Variants in ARFGEF3 observed in about 807,000 individuals in gnomAD.
The protein encoded by ARFGEF3 is brefeldin A-inhibited guanine nucleotide-exchange protein 3.
ARFGEF3 carries 96 observed loss-of-function variants against 221.7 expected under a neutral mutation model. The observed-to-expected ratio is 0.43, with a 90% CI of 0.37 to 0.51. ARFGEF3 has a LOEUF of 0.51. Among genes scored for constraint, ARFGEF3 ranks in the 20% least tolerant of loss-of-function variants. ARFGEF3 has a pLI of 0.00. For synonymous variants in ARFGEF3, 1,145 were observed against 1,126.8 expected, an observed-to-expected ratio of 1.02 and a Z score of -0.32; for missense variants, 2,410 against 2,789.9, an observed-to-expected ratio of 0.86 and a Z score of 3.07.
At chr6:138,322,940 G>A (rs117082343) in intron 29 of ARFGEF3, among the ~76,000 whole-genome samples, 1 of 151,894 alleles carries the variant, frequency 6.6e-6, no homozygotes, top group Non-Finnish European at 1.5e-5. Context: ...GGACCTCGTT[G>A]TAGCAGTGAC....
intron 8 of ARFGEF3, among the ~76,000 whole-genome samples, chr6:138,251,330 G>T (rs1393333350): frequency 6.6e-6 from 1 of 152,116 alleles, no homozygotes; most frequent in Non-Finnish European, 1.5e-5. Flanking sequence ...AGAAATTTTT[G>T]AATTGGAGCA....
At chr6:138,222,599 A>G (rs1778000952) in intron 4 of ARFGEF3, among the ~76,000 whole-genome samples, 1 of 152,188 alleles carries the variant, frequency 6.6e-6, no homozygotes, top group Non-Finnish European at 1.5e-5. Context: ...CATATCCTAC[A>G]ATGAGCAGGA....
At chr6:138,244,021 T>C (rs1211795675) in intron 7 of ARFGEF3, among the ~76,000 whole-genome samples, 1 of 152,130 alleles carries the variant, frequency 6.6e-6, no homozygotes, top group Admixed American at 6.5e-5. Flanking sequence ...GATGATTTTA[T>C]AAACTAAAAA....
Position 138,340,123 on chromosome 6 carries a change from G to T in ARFGEF3, c.*3637G>T, listed in dbSNP as rs573533784. The T allele has an allele frequency of 1.3e-5, 2 of 152,310 alleles. No individual in the cohort carries two copies. The highest frequency in any genetic ancestry group is 2.4e-5 in the African/African-American group (1 of 41,576). The allele number at this position is 152,310 out of a possible 1,614,324, so 9.4% of individuals were successfully genotyped here. A position where few individuals can be genotyped will look rare whatever the true frequency, so the allele number is the denominator to read the frequency against. ...CAGCTGCCTGTAATCCCAGCTACTC[G>T]GGAAGCTGAGGCAGGAGAATTGCTT... On this transcript the variant is annotated 3_prime_UTR_variant, in exon 34 of 34. Coordinates refer to ENST00000251691, the MANE Select transcript of ARFGEF3 (RefSeq NM_020340.5).
At chr6:138,260,361 GA>G (rs1778768092) in intron 10 of ARFGEF3, among the ~76,000 whole-genome samples, 1 of 152,184 alleles carries the variant, frequency 6.6e-6, no homozygotes, top group Admixed American at 6.5e-5. Flanking sequence ...CTTTGAAGAT[GA>G]ATGGACATAC....
At chr6:138,303,888 A>AAAAAAAAAT (rs35383841) in intron 22 of ARFGEF3, among the ~76,000 whole-genome samples, 4 of 147,202 alleles carry the variant, frequency 2.7e-5, no homozygotes, top group Admixed American at 6.7e-5. Flanking sequence ...AAAAAAAAAA[A>AAAAAAAAAT]GATAATAGCA....
intron 6 of ARFGEF3, among the ~76,000 whole-genome samples, 188 bp from the exon 7 acceptor site, chr6:138,242,764 C>G (rs1305440189): frequency 6.6e-6 from 1 of 152,172 alleles, no homozygotes; most frequent in Non-Finnish European, 1.5e-5. Flanking sequence ...AGATCATAAT[C>G]TGTCTCATAA....
At position 138,339,052 on chromosome 6, in the gene ARFGEF3, C is replaced by T. The variant is rs1323165944; in HGVS notation, c.*2566C>T. ...TTTTGGTACCTTCCCATTGTCTTCTCTATAACTCAGTCCTAACATACTCTG... is the reference window on the plus strand; with the variant it reads ...TTTTGGTACCTTCCCATTGTCTTCTTTATAACTCAGTCCTAACATACTCTG... On this transcript the variant is annotated 3_prime_UTR_variant, in exon 34 of 34. Coordinates refer to ENST00000251691, the MANE Select transcript of ARFGEF3 (RefSeq NM_020340.5). 1.3e-5 allele frequency: 2 copies of T among 152,192 alleles called. No homozygotes were observed. The highest frequency in any genetic ancestry group is 4.8e-5 in the African/African-American group (2 of 41,442). 9.4% of individuals were successfully genotyped at this position (152,192 alleles called of 1,614,324 possible). A position where few individuals can be genotyped will look rare whatever the true frequency, so the allele number is the denominator to read the frequency against.
chr6:138,183,760 C>T (rs1296288358), intron 2 of ARFGEF3, among the ~76,000 whole-genome samples: 1 of 152,102 alleles, frequency 6.6e-6, no homozygotes, highest in Non-Finnish European at 1.5e-5. Flanking sequence ...TTTGGGACCT[C>T]GAGCTGGTCA....
At chr6:138,224,271 T>C (rs913972576) in intron 4 of ARFGEF3, among the ~76,000 whole-genome samples, 2 of 152,236 alleles carry the variant, frequency 1.3e-5, no homozygotes, top group African/African-American at 4.8e-5. Context: ...AAATGTCTCA[T>C]GGGAGATGCT....
At chr6:138,201,407 G>A (rs996882191) in intron 2 of ARFGEF3, among the ~76,000 whole-genome samples, 2 of 152,134 alleles carry the variant, frequency 1.3e-5, no homozygotes, top group Admixed American at 6.6e-5. Flanking sequence ...TTGCAAAATC[G>A]TGGAACCAAC....
At chr6:138,278,927 A>G (rs1779148036) in intron 13 of ARFGEF3, among the ~76,000 whole-genome samples, 1 of 151,476 alleles carries the variant, frequency 6.6e-6, no homozygotes, top group African/African-American at 2.4e-5. Context: ...ATTATTAAAC[A>G]TGTGTATAAA....
In ARFGEF3 at chr6:138,275,368, C is replaced by A. The variant is rs561375411; in HGVS notation, c.2129-3083C>A. The stretch of plus-strand genomic sequence containing the variant: ...TAGTCCCACCAAAAAAATGTTTATA[C>A]TGCCCTCAAATATGGCAGAGATCTT... On this transcript the variant is annotated intron_variant, in intron 12 of 33. Coordinates refer to ENST00000251691, the MANE Select transcript of ARFGEF3 (RefSeq NM_020340.5). Among the ~76,000 whole-genome samples the A allele has an allele frequency of 2.6e-5, 4 of 152,258 alleles. No homozygotes were observed. The East Asian group carries it at 5.8e-4, about 22-fold the overall frequency.
At chr6:138,228,847 G>A (rs1778140077) in intron 4 of ARFGEF3, among the ~76,000 whole-genome samples, 1 of 152,266 alleles carries the variant, frequency 6.6e-6, no homozygotes, top group Non-Finnish European at 1.5e-5. Flanking sequence ...GGCAGGGCAT[G>A]GCTGTGGGGT....
In ARFGEF3 at chr6:138,291,988, C is replaced by G. The variant is rs746419587; in HGVS notation, c.3303C>G (p.Gly1101=). Residue 1101 remains glycine, a synonymous_variant, in exon 19 of 34, where the codon GGC becomes GGG. Transcript: ENST00000251691. The surrounding 1 kb of genome is among the most constrained non-coding windows in gnomAD (Gnocchi z 4.5). ...GGGGTCGGGCCTCCGACTTCCGCGG[C>G]GGGAGCCTCATGAGCGGGAGCAGCG... The part of the protein sequence containing the change: ...GSRGRASDFR[G]GSLMSGSSAA... 2.0e-6 allele frequency: 3 copies of G among 1,538,232 alleles called. No homozygotes were observed. In the Admixed American group the frequency reaches 5.8e-5, roughly 30 times the overall value.
chr6:138,242,003 G>A (rs116488713), intron 6 of ARFGEF3, among the ~76,000 whole-genome samples: 1,524 of 152,252 alleles, frequency 0.01, 22 homozygotes, highest in African/African-American at 0.034. Flanking sequence ...TGCTTCCTCC[G>A]GAATGTTGTT....
intron 22 of ARFGEF3, among the ~76,000 whole-genome samples, chr6:138,304,342 G>A (rs113041727): frequency 3.2e-4 from 48 of 152,270 alleles, no homozygotes; most frequent in African/African-American, 1.0e-3. Context: ...GGCTGAGGGT[G>A]GGGTGGTGGA....
rs1780343349 is a variant in ARFGEF3 at position 138,337,225 on chromosome 6, AAGT to A, written c.*740_*742del. 1 of 152,680 alleles carries A rather than the reference AAGT, an allele frequency of 6.5e-6. No homozygotes were observed. Among genetic ancestry groups the A allele is most frequent in the South Asian group, 2.1e-4 (1 of 4,830 alleles). The allele number at this position is 152,680 out of a possible 1,614,324, so 9.5% of individuals were successfully genotyped here. On this transcript the variant is annotated 3_prime_UTR_variant, in exon 34 of 34. Coordinates refer to ENST00000251691, the MANE Select transcript of ARFGEF3 (RefSeq NM_020340.5). ...GCCTGTGACACAGAGTACCCAGTGA[AAGT>A]GGCTGGTACGTAGATTGTCAAGAGA...
chr6:138,164,225 C>A (rs994878992), intron 1 of ARFGEF3, among the ~76,000 whole-genome samples: 1 of 135,766 alleles, frequency 7.4e-6, no homozygotes, highest in Non-Finnish European at 1.5e-5. Flanking sequence ...CTCTTCAACC[C>A]CCCAATTTAT....
Sources: allele counts gnomAD v4.1 joint callset (sites outside exome capture counted in the v4.1 genomes callset), GRCh38; gene constraint gnomAD v4.1.1; non-coding constraint Gnocchi (gnomAD v3.1); transcripts MANE v1.5; gene names NCBI Gene and HGNC (gene_info 2026-07-23, HGNC 2026-07-21).